AUTS2: variants seen among roughly 807,000 people sequenced by gnomAD.
AUTS2 encodes autism susceptibility gene 2 protein.
Under a neutral mutation model 112.4 loss-of-function variants are expected in AUTS2, and 17 were observed. That is an observed-to-expected ratio of 0.15 (90% CI 0.10 to 0.23). AUTS2 has a LOEUF of 0.23. Among genes scored for constraint, AUTS2 ranks in the 10% least tolerant of loss-of-function variants. The pLI is 1.00. For synonymous variants in AUTS2, 751 were observed against 702.7 expected (o/e 1.07, Z -1.09); for missense variants, 1,510 against 1,701.6 (o/e 0.89, Z 1.98).
In AUTS2 at chr7:70,773,943, T is replaced by C; in HGVS notation, c.1831-85T>C. ...AAACAAACAAATGAAGTTTGGCTTC[T>C]CTCATTTAGCAGAAGGGAAGGATCT... On this transcript the variant is annotated intron_variant, in intron 11 of 18. Coordinates refer to ENST00000342771, the MANE Select transcript of AUTS2 (RefSeq NM_015570.4). 4 of 1,276,156 alleles carry C rather than the reference T, an allele frequency of 3.1e-6. No homozygotes were observed. In the Admixed American group the frequency reaches 7.2e-5, roughly 23 times the overall value. 79.1% of individuals were successfully genotyped at this position (1,276,156 alleles called of 1,614,324 possible). A position where few individuals can be genotyped will look rare whatever the true frequency, so the allele number is the denominator to read the frequency against.
At chr7:70,313,151 G>A (rs372140574) in intron 4 of AUTS2, among the ~76,000 whole-genome samples, 2 of 152,284 alleles carry the variant, frequency 1.3e-5, no homozygotes, top group South Asian at 2.1e-4. Flanking sequence ...ATTCTACTCA[G>A]ATCTCTTCGA....
chr7:70,557,698 T>C (rs1438773198), intron 5 of AUTS2, among the ~76,000 whole-genome samples: 1 of 152,204 alleles, frequency 6.6e-6, no homozygotes, highest in Admixed American at 6.5e-5. Context: ...CTACATCTCC[T>C]CACAGATGTG....
intron 1 of AUTS2, among the ~76,000 whole-genome samples, chr7:69,731,875 A>AGAC (rs1483749932): frequency 6.6e-6 from 1 of 152,252 alleles, no homozygotes; most frequent in Non-Finnish European, 1.5e-5. Context: ...TAGGCAAGTC[A>AGAC]ATCTCTGGCT....
rs182246187 is a variant in AUTS2 at position 69,895,476 on chromosome 7, C to A, written c.310-3810C>A. On this transcript the variant is annotated intron_variant, in intron 1 of 18. Coordinates refer to ENST00000342771, the MANE Select transcript of AUTS2 (RefSeq NM_015570.4). ...TTACATAATAAAAAGTTGTTATAGA[C>A]TCTTCATTTCTTCTTACCTCTTAAG... is the stretch of plus-strand genomic sequence containing the variant. Among the ~76,000 whole-genome samples, 140 of 151,818 alleles carry A rather than the reference C, an allele frequency of 9.2e-4. 1 individual carries two copies. The highest frequency in any genetic ancestry group is 3.4e-3 in the Middle Eastern group (1 of 294).
At chr7:70,403,404 G>C (rs1028785055) in intron 4 of AUTS2, among the ~76,000 whole-genome samples, 1 of 152,218 alleles carries the variant, frequency 6.6e-6, no homozygotes. Context: ...TCTCAGTACA[G>C]GTTGCTAATT....
At chr7:70,683,449 G>A (rs1423768445) in intron 5 of AUTS2, among the ~76,000 whole-genome samples, 1 of 152,156 alleles carries the variant, frequency 6.6e-6, no homozygotes, top group Non-Finnish European at 1.5e-5. Context: ...TCACAGTCCT[G>A]GTCCTTGAGT....
intron 2 of AUTS2, among the ~76,000 whole-genome samples, chr7:69,905,215 A>G (rs1038498002): frequency 1.3e-5 from 2 of 152,232 alleles, no homozygotes; most frequent in African/African-American, 4.8e-5. Flanking sequence ...TTGGAATGTT[A>G]TGACCAGTAA....
rs776366776 is a variant in AUTS2, at chr7:70,762,984, A to G, written c.857A>G (p.Lys286Arg). 6.2e-7 allele frequency: 1 copy of G among 1,614,126 alleles called. No homozygotes were observed. The highest frequency in any genetic ancestry group is 8.5e-7 in the Non-Finnish European group (1 of 1,180,018). The change falls in exon 7 of 19, where the codon AAA becomes AGA. Residue 286 changes from lysine to arginine, a missense_variant. Transcript: ENST00000342771. ...CAGGAGAAGAGCCAGGACTGTTGCA[A>G]AGAGCCAATCTTTGAGCCTGTGGTG... ...RSQEKSQDCC[K>R]EPIFEPVVLK... is the part of the protein sequence containing the mutation.
intron 4 of AUTS2, among the ~76,000 whole-genome samples, chr7:70,176,256 A>G (rs1039394394): frequency 1.3e-5 from 2 of 152,358 alleles, no homozygotes; most frequent in East Asian, 3.9e-4. Flanking sequence ...CAAGAAAGCT[A>G]TAGATATTGT....
chr7:70,098,898 C>T (rs954035105), intron 2 of AUTS2, among the ~76,000 whole-genome samples: 7 of 152,028 alleles, frequency 4.6e-5, no homozygotes, highest in African/African-American at 1.7e-4. Context: ...GATGGGGTTT[C>T]TCCATGTTGG....
At chr7:70,584,007 G>T (rs1802575832) in intron 5 of AUTS2, among the ~76,000 whole-genome samples, 1 of 152,158 alleles carries the variant, frequency 6.6e-6, no homozygotes, top group Non-Finnish European at 1.5e-5. Flanking sequence ...TTAAATTACA[G>T]GACTGTGACA....
At chr7:69,803,868 A>G (rs1790188620) in intron 1 of AUTS2, among the ~76,000 whole-genome samples, 1 of 152,122 alleles carries the variant, frequency 6.6e-6, no homozygotes, top group Admixed American at 6.5e-5. Context: ...TGTCTCTACA[A>G]AATAAACAAA....
chr7:69,836,824 A>G (rs961688968), intron 1 of AUTS2, among the ~76,000 whole-genome samples: 1 of 152,200 alleles, frequency 6.6e-6, no homozygotes, highest in Non-Finnish European at 1.5e-5. Context: ...CAAAAGAGGT[A>G]TTGACCGCTA....
chr7:70,440,689 T>G (rs1230493376), intron 5 of AUTS2, among the ~76,000 whole-genome samples: 1 of 152,192 alleles, frequency 6.6e-6, no homozygotes, highest in African/African-American at 2.4e-5. Flanking sequence ...TCTGAAACAG[T>G]GTCTTTTTAA....
intron 4 of AUTS2, 55 bp from the exon 5 acceptor site, chr7:70,435,696 AG>A: frequency 6.3e-7 from 1 of 1,592,918 alleles, no homozygotes; most frequent in South Asian, 1.1e-5. Flanking sequence ...AGGCATCAAA[AG>A]CAAAAACATA....
intron 2 of AUTS2, among the ~76,000 whole-genome samples, chr7:70,040,790 C>A (rs1295239819): frequency 2.6e-5 from 4 of 152,150 alleles, no homozygotes; most frequent in Non-Finnish European, 5.9e-5. Flanking sequence ...GGTCCTGAAG[C>A]CACTGCAGGT....
At chr7:70,259,366 C>T (rs1787047211) in intron 4 of AUTS2, among the ~76,000 whole-genome samples, 1 of 147,006 alleles carries the variant, frequency 6.8e-6, no homozygotes, top group South Asian at 2.2e-4. Flanking sequence ...CTTTTCAGTT[C>T]TTAAACTTGA....
rs569804269 is a variant in AUTS2 at position 70,482,855 on chromosome 7, C to CAT, written c.690+47083_690+47084dup. 1.8e-3 allele frequency among the ~76,000 whole-genome samples: 280 copies of CAT among 151,562 alleles called. 2 individuals are homozygous for CAT. Among genetic ancestry groups the CAT allele is most frequent in the Middle Eastern group, 0.017 (5 of 292 alleles). On this transcript the variant is annotated intron_variant, in intron 5 of 18. Coordinates refer to ENST00000342771, the MANE Select transcript of AUTS2 (RefSeq NM_015570.4). ...GGTAGGTAGGTAGATAGAGAGCTGT[C>CAT]ATATATATATGTGTACACACACACA...
Position 70,764,876 on chromosome 7 carries a change from A to T in AUTS2, c.1339A>T (p.Thr447Ser). The T allele has an allele frequency of 1.3e-6, 1 of 774,080 alleles. No individual in the cohort carries two copies. The allele number at this position is 774,080 out of a possible 1,614,324, so 48.0% of individuals were successfully genotyped here. Residue 447 changes from threonine to serine, a missense_variant, in exon 8 of 19, where the codon ACC becomes TCC. Physicochemically the swap from Thr to Ser is moderately conservative, Grantham distance 58 (BLOSUM62 1). Around this residue, in one of 3 missense-constraint regions of AUTS2, gnomAD observed 535 missense variants for 594.3 expected, o/e 0.90. Coordinates refer to ENST00000342771, the MANE Select transcript of AUTS2 (RefSeq NM_015570.4). ...CAGCCCCCTGCACAGCTTCACACCC[A>T]CCCTCCAGCCCCCCGCACACTCACA... ...NHSPLHSFTP[T>S]LQPPAHSHHP...
Sources: allele counts gnomAD v4.1 joint callset (sites outside exome capture counted in the v4.1 genomes callset), GRCh38; gene constraint gnomAD v4.1.1; regional missense constraint gnomAD v4.1.1; transcripts MANE v1.5; gene names NCBI Gene and HGNC (gene_info 2026-07-23, HGNC 2026-07-21).